ITSN1: variants seen among roughly 807,000 people sequenced by gnomAD.
ITSN1 encodes intersectin 1, also known as intersectin-1.
ITSN1 carries 58 observed loss-of-function variants against 239.8 expected under a neutral mutation model. That is an observed-to-expected ratio of 0.24 (90% CI 0.20 to 0.30). ITSN1 has a LOEUF of 0.30. Among genes scored for constraint, ITSN1 ranks in the 10% least tolerant of loss-of-function variants. The probability of loss-of-function intolerance (pLI) is 1.00; values close to 1 mark genes in which losing one functional copy is unlikely to be tolerated. For missense variants in ITSN1, 1,558 were observed against 2,103.3 expected, an observed-to-expected ratio of 0.74 and a Z score of 5.07; for synonymous variants, 780 against 770.8, an observed-to-expected ratio of 1.01 and a Z score of -0.20.
At chr21:33,767,388 A>G (rs145635859) in intron 10 of ITSN1, among the ~76,000 whole-genome samples, 1 of 152,252 alleles carries the variant, frequency 6.6e-6, no homozygotes, top group Non-Finnish European at 1.5e-5. Flanking sequence ...TGAGAGGGCA[A>G]TGGAAATAGC....
chr21:33,867,963 C>A (rs969897706), intron 33 of ITSN1, among the ~76,000 whole-genome samples: 2 of 152,092 alleles, frequency 1.3e-5, no homozygotes, highest in Non-Finnish European at 2.9e-5. Context: ...CAGACTTTCG[C>A]GGTGTTACAG....
At chr21:33,886,553 T>C in intron 39 of ITSN1, 93 bp downstream of exon 39, 1 of 1,103,814 alleles carries the variant, frequency 9.1e-7, no homozygotes, top group Non-Finnish European at 1.3e-6. Context: ...GGTGCCAGGA[T>C]TCCTTCGGTT....
chr21:33,897,987 A>G lies in ITSN1; in HGVS notation c.*9687A>G, dbSNP rs1986878689. 1 of 152,150 alleles carries G rather than the reference A, an allele frequency of 6.6e-6. No individual in the cohort carries two copies. Among genetic ancestry groups the G allele is most frequent in the African/African-American group, 2.4e-5 (1 of 41,438 alleles). 9.4% of individuals were successfully genotyped at this position (152,150 alleles called of 1,614,324 possible). On this transcript the variant is annotated 3_prime_UTR_variant, in exon 40 of 40. Transcript: ENST00000381318. The stretch of plus-strand genomic sequence containing the variant: ...ATCAAATGAAAAGTATCCTGTAGCT[A>G]TGACCTCGCATGGGACCTTGGTGTT...
intron 33 of ITSN1, among the ~76,000 whole-genome samples, chr21:33,874,156 CAAAAA>C: frequency 3.4e-5 from 1 of 29,206 alleles, no homozygotes; most frequent in Non-Finnish European, 7.5e-5. Context: ...AACTCCGTCT[CAAAAA>C]AAAAAAAAAA....
At chr21:33,783,188 T>G (rs1418526726) in intron 16 of ITSN1, among the ~76,000 whole-genome samples, 2 of 152,216 alleles carry the variant, frequency 1.3e-5, no homozygotes, top group Non-Finnish European at 2.9e-5. Context: ...GTTTTCCTTT[T>G]CTAACATAAA....
chr21:33,704,445 TC>T (rs527558313), intron 1 of ITSN1, among the ~76,000 whole-genome samples: 108 of 152,334 alleles, frequency 7.1e-4, no homozygotes, highest in Non-Finnish European at 1.4e-3. Flanking sequence ...AAGTTCGTAT[TC>T]CTAAAAGTAT....
chr21:33,742,084 T>C (rs374440983), intron 5 of ITSN1, among the ~76,000 whole-genome samples: 2 of 143,336 alleles, frequency 1.4e-5, no homozygotes, highest in African/African-American at 5.3e-5. Context: ...TGAGGTGGAG[T>C]CTTGCTCTGT....
intron 8 of ITSN1, 133 bp downstream of exon 8, chr21:33,755,530 C>A: frequency 1.7e-6 from 1 of 588,732 alleles, no homozygotes. Context: ...TCTGTTATCT[C>A]ATGTTCTTAT....
chr21:33,856,396 G>A (rs1183437971), intron 29 of ITSN1, among the ~76,000 whole-genome samples: 1 of 152,148 alleles, frequency 6.6e-6, no homozygotes, highest in African/African-American at 2.4e-5. Flanking sequence ...TGAGGGCTCG[G>A]GGTGTGTCTT....
intron 20 of ITSN1, among the ~76,000 whole-genome samples, chr21:33,808,048 G>A (rs1047088561): frequency 1.3e-5 from 2 of 151,962 alleles, no homozygotes; most frequent in African/African-American, 2.4e-5. Flanking sequence ...TTAGCCGGGC[G>A]CGGTGGCGGG....
intron 1 of ITSN1, among the ~76,000 whole-genome samples, chr21:33,651,268 G>T (rs974733300): frequency 6.6e-6 from 1 of 152,226 alleles, no homozygotes; most frequent in Admixed American, 6.5e-5. Flanking sequence ...GGAAGTTAAT[G>T]TAAGTTTTAA....
At chr21:33,840,992 C>A (rs1391764623) in intron 29 of ITSN1, among the ~76,000 whole-genome samples, 3 of 152,064 alleles carry the variant, frequency 2.0e-5, no homozygotes, top group Non-Finnish European at 2.9e-5. Context: ...CACTGCAGAG[C>A]AGGCCTGCAG....
At chr21:33,850,072 C>T (rs189253080) in intron 29 of ITSN1, among the ~76,000 whole-genome samples, 2 of 152,288 alleles carry the variant, frequency 1.3e-5, no homozygotes, top group East Asian at 3.9e-4. Context: ...ATGAATGATA[C>T]ACCCTTTCAC....
chr21:33,877,972 GTC>G (rs1984237417), intron 34 of ITSN1, among the ~76,000 whole-genome samples: 1 of 146,776 alleles, frequency 6.8e-6, no homozygotes, highest in Non-Finnish European at 1.5e-5. Flanking sequence ...AGCAACAGAA[GTC>G]TCTCTCTGTC....
At chr21:33,665,369 A>G (rs2089861965) in intron 1 of ITSN1, among the ~76,000 whole-genome samples, 1 of 152,240 alleles carries the variant, frequency 6.6e-6, no homozygotes, top group Non-Finnish European at 1.5e-5. Context: ...GTCAACCAGT[A>G]CATGAACAGA....
At chr21:33,755,031 A>G (rs1194187182) in intron 7 of ITSN1, among the ~76,000 whole-genome samples, 1 of 152,306 alleles carries the variant, frequency 6.6e-6, no homozygotes, top group Non-Finnish European at 1.5e-5. Context: ...AAATTATTAT[A>G]TATACAACTT....
At chr21:33,801,617 C>G (rs897579049) in intron 19 of ITSN1, among the ~76,000 whole-genome samples, 15 of 152,060 alleles carry the variant, frequency 9.9e-5, no homozygotes, top group Non-Finnish European at 1.3e-4. Context: ...GCCACCACAC[C>G]GAGCTAATTT....
chr21:33,770,799 C>T (rs1390057568), intron 11 of ITSN1, among the ~76,000 whole-genome samples: 4 of 141,002 alleles, frequency 2.8e-5, no homozygotes, highest in Admixed American at 7.3e-5. Context: ...AGAGTCTGCT[C>T]GTCACCCAGG....
chr21:33,727,538 C>T (rs1386984623), intron 4 of ITSN1, among the ~76,000 whole-genome samples: 3 of 149,382 alleles, frequency 2.0e-5, no homozygotes, highest in East Asian at 2.0e-4. Flanking sequence ...TTTGTACTTT[C>T]TTAAGACACT....
Sources: allele counts gnomAD v4.1 joint callset (sites outside exome capture counted in the v4.1 genomes callset), GRCh38; gene constraint gnomAD v4.1.1; transcripts MANE v1.5; gene names NCBI Gene and HGNC (gene_info 2026-07-23, HGNC 2026-07-21).